Variants in LOXL2 observed in about 807,000 individuals in gnomAD.
LOXL2 encodes the protein lysyl oxidase like 2.
A neutral mutation model predicts 93.0 loss-of-function variants in LOXL2; 70 were observed. The ratio of observed to expected loss-of-function variants is 0.75; its 90% CI spans 0.62 to 0.92. LOXL2 has a LOEUF of 0.92. LOXL2 is among the 40% of genes least tolerant of loss of function. The pLI, the probability that LOXL2 is intolerant of heterozygous loss-of-function variation, is 0.00. For synonymous variants in LOXL2, 438 were observed against 413.2 expected (o/e 1.06, Z -0.73); for missense variants, 973 against 1,054.9 (o/e 0.92, Z 1.08).
chr8:23,402,301 G>T (rs933436012), intron 1 of LOXL2, among the ~76,000 whole-genome samples: 8 of 151,834 alleles, frequency 5.3e-5, no homozygotes, highest in African/African-American at 1.5e-4. Context: ...ACACATACAC[G>T]TGCACACATG....
At chr8:23,344,692 G>A (rs369737517) in intron 3 of LOXL2, among the ~76,000 whole-genome samples, 105 of 151,970 alleles carry the variant, frequency 6.9e-4, no homozygotes, top group African/African-American at 2.4e-3. Context: ...ATGTGTCTAT[G>A]TCACATGGGT....
intron 6 of LOXL2, among the ~76,000 whole-genome samples, chr8:23,325,629 C>A (rs777334150): frequency 1.3e-5 from 2 of 152,190 alleles, no homozygotes; most frequent in Non-Finnish European, 2.9e-5. Flanking sequence ...ACTTCTTCAC[C>A]AAGTATTTGT....
chr8:23,319,422 G>GT (rs1803457133), intron 8 of LOXL2, among the ~76,000 whole-genome samples: 1 of 147,578 alleles, frequency 6.8e-6, no homozygotes, highest in African/African-American at 2.7e-5. Context: ...AATGCATTAG[G>GT]CACAGATGCC....
In LOXL2 at chr8:23,298,949, T is replaced by G; in HGVS notation, c.2134-2A>C. 1.3e-6 allele frequency: 2 copies of G among 1,581,008 alleles called. No homozygotes were observed. Among genetic ancestry groups the G allele is most frequent in the Non-Finnish European group, 1.7e-6 (2 of 1,150,022 alleles). On this transcript the variant is annotated splice_acceptor_variant, in intron 12 of 13. Coordinates refer to ENST00000389131, the MANE Select transcript of LOXL2 (RefSeq NM_002318.3). LOFTEE classifies it high-confidence loss of function. ...CTCGAAGTTGGGGTTAATAACAACC[T>G]AGGGAGAAGCAGGGCAGAGGAGGCT...
At chr8:23,326,718 T>C (rs1803582839) in intron 6 of LOXL2, among the ~76,000 whole-genome samples, 1 of 152,092 alleles carries the variant, frequency 6.6e-6, no homozygotes, top group Admixed American at 6.5e-5. Context: ...CGCGCCACTG[T>C]GCTGGGTGAC....
At chr8:23,299,234 G>T (rs1477552864) in intron 12 of LOXL2, among the ~76,000 whole-genome samples, 1 of 152,202 alleles carries the variant, frequency 6.6e-6, no homozygotes, top group African/African-American at 2.4e-5. Flanking sequence ...ACCCACTCCT[G>T]GGAGTTCTGG....
chr8:23,319,813 G>C, intron 8 of LOXL2, 72 bp downstream of exon 8: 2 of 1,503,078 alleles, frequency 1.3e-6, no homozygotes, highest in Non-Finnish European at 9.1e-7. Context: ...GTGGGAGAGG[G>C]GGGCTGACTG....
At position 23,368,301 on chromosome 8, in the gene LOXL2, G is replaced by A; in HGVS notation, c.51C>T (p.Ala17=). ...SHLCSCLAML[A]LLSPLSLAQY... ...GTGCCAGGCTCAGGGGGGACAGGAG[G>A]GCCAGCATAGCCAGGCAGCTGCAGA... is the stretch of plus-strand genomic sequence containing the variant. Residue 17 remains alanine, a synonymous_variant, in exon 2 of 14, where the codon GCC becomes GCT. Coordinates refer to ENST00000389131, the MANE Select transcript of LOXL2 (RefSeq NM_002318.3). 1.2e-6 allele frequency: 2 copies of A among 1,613,280 alleles called. No individual in the cohort carries two copies. Among genetic ancestry groups the A allele is most frequent in the South Asian group, 2.2e-5 (2 of 91,078 alleles).
Position 23,351,623 on chromosome 8 carries a change from TTTA to T in LOXL2, c.531+8464_531+8466del, listed in dbSNP as rs553073190. On this transcript the variant is annotated intron_variant, in intron 3 of 13. Coordinates refer to ENST00000389131, the MANE Select transcript of LOXL2 (RefSeq NM_002318.3). ...TTCATCTCACAGAGTTATAATGGTA[TTTA>T]TACTTTTCAAAGCATTGTATCTGCA... is the stretch of plus-strand genomic sequence containing the variant. Among the ~76,000 whole-genome samples the T allele has an allele frequency of 1.2e-4, 18 of 152,354 alleles. No homozygotes were observed. The South Asian group carries it at 3.5e-3, about 30-fold the overall frequency.
rs576938659 is a variant in LOXL2, at chr8:23,344,742, T to C, written c.532-3539A>G. Among the ~76,000 whole-genome samples the C allele has an allele frequency of 1.3e-4, 20 of 152,226 alleles. No homozygotes were observed. In the South Asian group the frequency reaches 4.1e-3, roughly 32 times the overall value. On this transcript the variant is annotated intron_variant, in intron 3 of 13. Coordinates refer to ENST00000389131, the MANE Select transcript of LOXL2 (RefSeq NM_002318.3). ...AGTGTGCATCTGTTTATGTGTCTTGTGGTGGAGGAAATTCTGAAAGGATCG... is the reference window on the plus strand; with the variant it reads ...AGTGTGCATCTGTTTATGTGTCTTGCGGTGGAGGAAATTCTGAAAGGATCG...
intron 13 of LOXL2, among the ~76,000 whole-genome samples, 194 bp from the exon 14 acceptor site, chr8:23,298,316 G>A (rs556081976): frequency 3.3e-5 from 5 of 152,324 alleles, no homozygotes; most frequent in South Asian, 4.1e-4. Flanking sequence ...TTGAGTGAAC[G>A]AGTGAATAAA....
intron 3 of LOXL2, among the ~76,000 whole-genome samples, chr8:23,346,864 C>T (rs1020425585): frequency 6.6e-6 from 1 of 152,212 alleles, no homozygotes; most frequent in Non-Finnish European, 1.5e-5. Flanking sequence ...GGTGGCAGGA[C>T]AATGCTGGGA....
intron 2 of LOXL2, among the ~76,000 whole-genome samples, chr8:23,362,278 A>G (rs755139211): frequency 6.6e-6 from 1 of 152,244 alleles, no homozygotes; most frequent in East Asian, 1.9e-4. Context: ...AAATTCATTG[A>G]AACAGAAAGT....
intron 5 of LOXL2, among the ~76,000 whole-genome samples, chr8:23,332,880 TCATA>T (rs1803725632): frequency 8.2e-6 from 1 of 122,218 alleles, no homozygotes; most frequent in Non-Finnish European, 1.7e-5. Flanking sequence ...ACGCACAGAC[TCATA>T]CACACACCCC....
intron 6 of LOXL2, among the ~76,000 whole-genome samples, chr8:23,322,789 C>G (rs78954110): frequency 0.036 from 5,537 of 152,298 alleles, 133 homozygotes; most frequent in Admixed American, 0.071. Context: ...GTCCAGTACT[C>G]AGGAGCTAGT....
rs148921445 is a variant in LOXL2, at chr8:23,355,245, G to A, written c.531+4845C>T. ...CAAGCGTGAGCCACCGCATCCGGCC[G>A]GGAGTTGGGATACATTCTAAACATT... On this transcript the variant is annotated intron_variant, in intron 3 of 13. Transcript: ENST00000389131. Among the ~76,000 whole-genome samples, 273 of 151,800 alleles carry A rather than the reference G, an allele frequency of 1.8e-3. 1 individual carries two copies. Among genetic ancestry groups the A allele is most frequent in the African/African-American group, 5.9e-3 (243 of 41,416 alleles).
intron 2 of LOXL2, among the ~76,000 whole-genome samples, chr8:23,366,349 A>G (rs532872984): frequency 6.6e-6 from 1 of 152,364 alleles, no homozygotes; most frequent in South Asian, 2.1e-4. Flanking sequence ...TGCAGAGAAC[A>G]TTTGACTCTG....
Position 23,297,953 on chromosome 8 carries a change from C to A in LOXL2, c.*90G>T, listed in dbSNP as rs185701955. On this transcript the variant is annotated 3_prime_UTR_variant, in exon 14 of 14. Transcript: ENST00000389131. ...GTGGGGGCCGGGCTGGGTGAGGGCA[C>A]GTGGCATTCGTTCAGACTCAGTTGT... 9.1e-6 allele frequency: 10 copies of A among 1,096,258 alleles called. No homozygotes were observed. The East Asian group carries it at 2.4e-4, about 27-fold the overall frequency. 67.9% of individuals were successfully genotyped at this position (1,096,258 alleles called of 1,614,324 possible).
chr8:23,323,797 G>A (rs767281929), intron 6 of LOXL2, among the ~76,000 whole-genome samples: 3 of 152,126 alleles, frequency 2.0e-5, no homozygotes, highest in Non-Finnish European at 4.4e-5. Flanking sequence ...CACCTCCCAG[G>A]TTCAAGCGAT....
Sources: gnomAD v4.1 joint callset for allele counts (sites outside exome capture counted in the v4.1 genomes callset) on GRCh38, gnomAD v4.1.1 for gene constraint, MANE v1.5 for transcripts, NCBI Gene and HGNC (gene_info 2026-07-23, HGNC 2026-07-21) for gene names.